ANK3: variants seen among roughly 807,000 people sequenced by gnomAD.
ANK3 encodes ankyrin-3.
ANK3 carries 57 observed loss-of-function variants against 370.9 expected under a neutral mutation model. That is an observed-to-expected ratio of 0.15 (90% confidence interval 0.12 to 0.19). ANK3 has a LOEUF of 0.19. Among genes scored for constraint, ANK3 ranks in the 10% least tolerant of loss-of-function variants. The pLI is 1.00. For synonymous variants in ANK3, 1,929 were observed against 1,946.3 expected (o/e 0.99, Z 0.23); for missense variants, 4,439 against 5,302.1 (o/e 0.84, Z 5.06).
At chr10:60,291,063 A>G (rs2041264310) in intron 1 of ANK3, among the ~76,000 whole-genome samples, 1 of 152,148 alleles carries the variant, frequency 6.6e-6, no homozygotes, top group South Asian at 2.1e-4. Flanking sequence ...TTGGAGACTG[A>G]TTAGCAACAA....
chr10:60,473,789 T>C (rs900873333), intron 2 of ANK3, among the ~76,000 whole-genome samples: 1 of 152,068 alleles, frequency 6.6e-6, no homozygotes, highest in Non-Finnish European at 1.5e-5. Context: ...TACCCTTCTA[T>C]GAAAACAATG....
At chr10:60,408,508 C>T (rs2063498068) in intron 2 of ANK3, among the ~76,000 whole-genome samples, 2 of 152,116 alleles carry the variant, frequency 1.3e-5, no homozygotes, top group African/African-American at 4.8e-5. Context: ...GAGGCCTCCC[C>T]AGCCATGCTT....
At chr10:60,283,380 G>A (rs1346135221) in intron 1 of ANK3, among the ~76,000 whole-genome samples, 1 of 151,894 alleles carries the variant, frequency 6.6e-6, no homozygotes, top group African/African-American at 2.4e-5. Context: ...TGCCTCTTTT[G>A]ATGCTATATC....
chr10:60,063,089 T>C, intron 40 of ANK3, 22 bp downstream of exon 40: 1 of 1,601,276 alleles, frequency 6.2e-7, no homozygotes. Flanking sequence ...ATTAAATAAA[T>C]ATGAACACTA....
At chr10:60,676,946 A>G (rs2079133670) in intron 1 of ANK3, among the ~76,000 whole-genome samples, 1 of 152,218 alleles carries the variant, frequency 6.6e-6, no homozygotes, top group Non-Finnish European at 1.5e-5. Flanking sequence ...TGAATACCCT[A>G]AACAGCCAGA....
At chr10:60,091,661 G>C (rs1351455806) in intron 28 of ANK3, among the ~76,000 whole-genome samples, 1 of 152,052 alleles carries the variant, frequency 6.6e-6, no homozygotes, top group African/African-American at 2.4e-5. Context: ...GGAAATTGCT[G>C]TACACCTGAG....
At chr10:60,484,847 C>T (rs2075309501) in intron 2 of ANK3, among the ~76,000 whole-genome samples, 1 of 152,072 alleles carries the variant, frequency 6.6e-6, no homozygotes, top group South Asian at 2.1e-4. Context: ...TAAGATGAAT[C>T]CAATGTTACT....
Position 60,668,974 on chromosome 10 carries a change from C to G in ANK3, c.58-53750G>C, listed in dbSNP as rs1279975660. ...CGCCACTGCACTCCAGCCTGGGTGA[C>G]AGAGTGAGACTTCATCTCAAAAAAA... On this transcript the variant is annotated intron_variant, in intron 1 of 43. Transcript: ENST00000373827. 2.0e-5 allele frequency among the ~76,000 whole-genome samples: 3 copies of G among 151,672 alleles called. No individual in the cohort carries two copies. In the East Asian group the frequency reaches 5.8e-4, roughly 29 times the overall value.
intron 1 of ANK3, among the ~76,000 whole-genome samples, chr10:60,655,052 C>G (rs1318649716): frequency 6.6e-6 from 1 of 151,834 alleles, no homozygotes; most frequent in African/African-American, 2.4e-5. Context: ...CTGGTGTAAA[C>G]AAAGCTACTG....
chr10:60,657,373 C>T (rs2133368513), intron 1 of ANK3, among the ~76,000 whole-genome samples: 1 of 152,278 alleles, frequency 6.6e-6, no homozygotes. Context: ...TGGTCTTGAA[C>T]ACCTGGCCTC....
intron 1 of ANK3, among the ~76,000 whole-genome samples, chr10:60,688,886 T>G (rs1049082105): frequency 6.6e-6 from 1 of 151,466 alleles, no homozygotes; most frequent in Non-Finnish European, 1.5e-5. Context: ...AGGCAGAGGT[T>G]GCAGTGAGCC....
At position 60,557,872 on chromosome 10, in the gene ANK3, A is replaced by C. The variant is rs546945560; in HGVS notation, c.96+57314T>G. On this transcript the variant is annotated intron_variant, in intron 2 of 43. Coordinates refer to the ANK3 transcript ENST00000373827. Reference sequence around the variant, plus strand: ...ACACTTCACTGCATTGTTGTTATTAAATATAATATAGGATGGCAATTGAAA... The same window carrying C: ...ACACTTCACTGCATTGTTGTTATTACATATAATATAGGATGGCAATTGAAA... Among the ~76,000 whole-genome samples, 4 of 152,332 alleles carry C rather than the reference A, an allele frequency of 2.6e-5. No homozygotes were observed. The East Asian group carries it at 7.7e-4, about 29-fold the overall frequency.
chr10:60,174,687 AATAGT>A (rs1323328980), intron 18 of ANK3, among the ~76,000 whole-genome samples: 1 of 152,148 alleles, frequency 6.6e-6, no homozygotes, highest in Non-Finnish European at 1.5e-5. Flanking sequence ...AACCATTTCT[AATAGT>A]TGTTGAGATG....
chr10:60,713,246 A>C (rs1362511726), intron 1 of ANK3, among the ~76,000 whole-genome samples: 1 of 152,206 alleles, frequency 6.6e-6, no homozygotes, highest in African/African-American at 2.4e-5. Context: ...AATAGAAATC[A>C]TACAAAGTAT....
intron 1 of ANK3, among the ~76,000 whole-genome samples, chr10:60,716,200 C>T (rs10821829): frequency 0.29 from 44,675 of 151,708 alleles, 7,066 homozygotes; most frequent in South Asian, 0.48. Context: ...AAAAAAATGT[C>T]GTTCTAGTAT....
chr10:60,061,322 A>T (rs10821666), intron 40 of ANK3, among the ~76,000 whole-genome samples: 48,859 of 152,044 alleles, frequency 0.32, 8,097 homozygotes, highest in Non-Finnish European at 0.35. Context: ...GAATTTAAAA[A>T]TATTAAGATA....
chr10:60,692,345 T>C (rs1033599860), intron 1 of ANK3, among the ~76,000 whole-genome samples: 2 of 152,228 alleles, frequency 1.3e-5, no homozygotes, highest in Non-Finnish European at 2.9e-5. Flanking sequence ...TTGGCCTTTC[T>C]GTCATGGGCT....
At chr10:60,733,473 C>G in exon 1 of ANK3, 3 of 614,218 alleles carry the variant, frequency 4.9e-6, no homozygotes, top group Non-Finnish European at 7.0e-6. Context: ...CCAGCGCGGC[C>G]TATCCTCCTC....
At chr10:60,083,706 C>T (rs765401100) in intron 32 of ANK3, 89 bp from the exon 33 acceptor site, 9 of 1,152,590 alleles carry the variant, frequency 7.8e-6, no homozygotes, top group Middle Eastern at 2.9e-4. Flanking sequence ...AAAAGACTGA[C>T]GTTACTATGT....
Sources: allele counts gnomAD v4.1 joint callset (sites outside exome capture counted in the v4.1 genomes callset), GRCh38; gene constraint gnomAD v4.1.1; transcripts MANE v1.5; gene names NCBI Gene and HGNC (gene_info 2026-07-23, HGNC 2026-07-21).